Variants in ELAPOR2 observed in about 807,000 individuals in gnomAD.
The protein encoded by ELAPOR2 is endosome-lysosome associated apoptosis and autophagy regulator family member 2, also known as endosome/lysosome-associated apoptosis and autophagy regulator family member 2.
In ELAPOR2, 89 loss-of-function variants were observed where a neutral mutation model predicts 120.7. The ratio of observed to expected loss-of-function variants is 0.74; its 90% confidence interval spans 0.62 to 0.88. The LOEUF is 0.88. ELAPOR2 is among the 40% of genes least tolerant of loss of function. The pLI, the probability that ELAPOR2 is intolerant of heterozygous loss-of-function variation, is 0.00. For missense variants in ELAPOR2, 1,134 were observed against 1,251.6 expected (o/e 0.91, Z 1.42); for synonymous variants, 444 against 444.9 (o/e 1.00, Z 0.03).
intron 1 of ELAPOR2, among the ~76,000 whole-genome samples, chr7:86,981,703 A>G (rs885998): frequency 0.39 from 58,715 of 151,920 alleles, 12,380 homozygotes; most frequent in African/African-American, 0.56. Context: ...CAAGATAGCC[A>G]AATAGGAACA....
chr7:86,928,888 TC>T (rs1040632654), intron 8 of ELAPOR2, among the ~76,000 whole-genome samples: 2 of 151,990 alleles, frequency 1.3e-5, no homozygotes, highest in African/African-American at 4.8e-5. Context: ...TCTGTGCCTC[TC>T]TTTCTAATGG....
chr7:86,912,921 T>C lies in ELAPOR2; in HGVS notation c.1995+20A>G, dbSNP rs1379880230. The C allele has an allele frequency of 1.9e-6, 3 of 1,610,200 alleles. No individual in the cohort carries two copies. Among genetic ancestry groups the C allele is most frequent in the Non-Finnish European group, 2.5e-6 (3 of 1,176,976 alleles). On this transcript the variant is annotated intron_variant, in intron 14 of 21. Transcript: ENST00000450689. ...TAAAATGTGCTTTCATGGGGATACC[T>C]GAAATGCAGACCCACTTACCTGATT...
intron 20 of ELAPOR2, 108 bp downstream of exon 20, chr7:86,892,814 C>A (rs1788230044): frequency 2.0e-6 from 2 of 1,023,424 alleles, no homozygotes; most frequent in South Asian, 3.3e-5. Flanking sequence ...GGAGAAAATT[C>A]TTGTGTCTCT....
chr7:86,915,442 T>C (rs1208985718), intron 12 of ELAPOR2, among the ~76,000 whole-genome samples: 1 of 151,880 alleles, frequency 6.6e-6, no homozygotes, highest in East Asian at 1.9e-4. Context: ...GTTTAATTTA[T>C]ATTTTATTTA....
At chr7:87,015,691 G>A (rs916758683) in intron 1 of ELAPOR2, among the ~76,000 whole-genome samples, 2 of 152,114 alleles carry the variant, frequency 1.3e-5, no homozygotes, top group Admixed American at 1.3e-4. Flanking sequence ...GGGAGGCTGA[G>A]GCACGAGAAT....
rs1323140072 is a variant in ELAPOR2, at chr7:86,912,931, A to T, written c.1995+10T>A. The T allele has an allele frequency of 6.2e-7, 1 of 1,611,406 alleles. No homozygotes were observed. Among genetic ancestry groups the T allele is most frequent in the Non-Finnish European group, 8.5e-7 (1 of 1,177,804 alleles). On this transcript the variant is annotated intron_variant, in intron 14 of 21. Transcript: ENST00000450689. The stretch of plus-strand genomic sequence containing the variant: ...TTTCATGGGGATACCTGAAATGCAG[A>T]CCCACTTACCTGATTGTTTTTACTC...
rs1799215138 is a variant in ELAPOR2 at position 86,877,566 on chromosome 7, A to G, written c.*2905T>C. 1.3e-5 allele frequency: 2 copies of G among 152,192 alleles called. No homozygotes were observed. Among genetic ancestry groups the G allele is most frequent in the African/African-American group, 2.4e-5 (1 of 41,454 alleles). The allele number at this position is 152,192 out of a possible 1,614,324, so 9.4% of individuals were successfully genotyped here. ...ACCCCCAGAGAAATTTATTTCTATGAGGAAGAGAGAAATTATGTACACATT... is the reference window on the plus strand; with the variant it reads ...ACCCCCAGAGAAATTTATTTCTATGGGGAAGAGAGAAATTATGTACACATT... On this transcript the variant is annotated 3_prime_UTR_variant, in exon 22 of 22. Coordinates refer to ENST00000450689, the MANE Select transcript of ELAPOR2 (RefSeq NM_001142749.3).
At chr7:87,044,595 CA>C (rs1794887758) in intron 1 of ELAPOR2, among the ~76,000 whole-genome samples, 1 of 151,206 alleles carries the variant, frequency 6.6e-6, no homozygotes, top group Non-Finnish European at 1.5e-5. Flanking sequence ...ACACCTTATA[CA>C]AAAATCAATT....
intron 8 of ELAPOR2, among the ~76,000 whole-genome samples, chr7:86,935,013 C>T (rs1025956514): frequency 6.6e-6 from 1 of 152,032 alleles, no homozygotes; most frequent in African/African-American, 2.4e-5. Context: ...TCTTCTCTCA[C>T]CGGGAGAAGG....
chr7:86,990,141 G>C (rs926340784), intron 1 of ELAPOR2, among the ~76,000 whole-genome samples: 4 of 151,992 alleles, frequency 2.6e-5, no homozygotes, highest in African/African-American at 9.7e-5. Context: ...CCGCCTCCTG[G>C]GTTCATGCCA....
chr7:87,029,547 T>G (rs1470377465), intron 1 of ELAPOR2, among the ~76,000 whole-genome samples: 1 of 152,200 alleles, frequency 6.6e-6, no homozygotes, highest in Non-Finnish European at 1.5e-5. Context: ...TTTTGGAACT[T>G]GATGGAAAAC....
chr7:86,945,431 A>T (rs968382168), intron 3 of ELAPOR2, among the ~76,000 whole-genome samples: 3 of 152,202 alleles, frequency 2.0e-5, no homozygotes, highest in African/African-American at 7.2e-5. Context: ...ATTAATGATA[A>T]ATACGTAGAT....
In ELAPOR2 at chr7:86,914,791, G is replaced by A; in HGVS notation, c.1663C>T (p.His555Tyr). ...GGTKEKQAYT[H>Y]IIFKNATFTF... The stretch of plus-strand genomic sequence containing the variant: ...AAAGTTGCATTCTTGAAGATGATAT[G>A]GGTGTAAGCTTGTTTTTCTTTGGTT... The change falls in exon 13 of 22, where the codon CAT becomes TAT. Residue 555 changes from histidine (H) to tyrosine (Y), a missense_variant. This residue lies in a region of ELAPOR2 where 831 missense variants were observed against 867.6 expected (regional missense o/e 0.96). Coordinates refer to ENST00000450689, the MANE Select transcript of ELAPOR2 (RefSeq NM_001142749.3). 1 of 1,611,966 alleles carries A rather than the reference G, an allele frequency of 6.2e-7. No individual in the cohort carries two copies. Among genetic ancestry groups the A allele is most frequent in the Non-Finnish European group, 8.5e-7 (1 of 1,178,530 alleles).
intron 10 of ELAPOR2, among the ~76,000 whole-genome samples, chr7:86,920,480 G>C (rs1789778180): frequency 6.6e-6 from 1 of 152,054 alleles, no homozygotes; most frequent in Non-Finnish European, 1.5e-5. Context: ...CCAAGAAAGG[G>C]AGGACTTTAT....
At chr7:86,962,631 T>C (rs942938189) in intron 2 of ELAPOR2, among the ~76,000 whole-genome samples, 3 of 152,178 alleles carry the variant, frequency 2.0e-5, no homozygotes, top group African/African-American at 7.2e-5. Flanking sequence ...ATCCGGGCTA[T>C]ATGACATAAG....
At chr7:87,023,940 G>C (rs1200351850) in intron 1 of ELAPOR2, among the ~76,000 whole-genome samples, 1 of 152,140 alleles carries the variant, frequency 6.6e-6, no homozygotes, top group African/African-American at 2.4e-5. Context: ...TGCTGAAGTT[G>C]CTTATCAGCT....
chr7:87,022,352 T>C (rs1378450098), intron 1 of ELAPOR2, among the ~76,000 whole-genome samples: 1 of 151,512 alleles, frequency 6.6e-6, no homozygotes, highest in Non-Finnish European at 1.5e-5. Flanking sequence ...GTCCTTGCGA[T>C]AGTTTGCTGA....
chr7:87,041,984 T>C (rs1309004060), intron 1 of ELAPOR2, among the ~76,000 whole-genome samples: 4 of 151,512 alleles, frequency 2.6e-5, no homozygotes, highest in Admixed American at 1.3e-4. Context: ...AAACAGACTT[T>C]AAACCAACAA....
intron 21 of ELAPOR2, among the ~76,000 whole-genome samples, chr7:86,885,393 A>C (rs1799640141): frequency 6.6e-6 from 1 of 152,178 alleles, no homozygotes; most frequent in Non-Finnish European, 1.5e-5. Context: ...CATTGAAAGC[A>C]TTGGAAGTTG....
Sources: allele counts gnomAD v4.1 joint callset (sites outside exome capture counted in the v4.1 genomes callset), GRCh38; gene constraint gnomAD v4.1.1; regional missense constraint gnomAD v4.1.1; transcripts MANE v1.5; gene names NCBI Gene and HGNC (gene_info 2026-07-23, HGNC 2026-07-21).